The following RP1 variants were observed in gnomAD, a reference collection of about 807,000 sequenced individuals.
RP1 encodes the protein oxygen-regulated protein 1.
RP1 carries 16 observed loss-of-function variants against 14.8 expected under a neutral mutation model. That is an observed-to-expected ratio of 1.08 (90% CI 0.73 to 1.65). The LOEUF is 1.65. RP1 is among the 40% of genes most tolerant of loss of function. RP1 has a pLI of 0.00. For missense variants in RP1, 2,631 were observed against 2,535.0 expected, an observed-to-expected ratio of 1.04 and a Z score of -0.81; for synonymous variants, 876 against 883.6, an observed-to-expected ratio of 0.99 and a Z score of 0.15.
At position 54,688,221 on chromosome 8, in the gene RP1, T is replaced by C. The variant is rs561214640; in HGVS notation, c.1717+8288T>C. Among the ~76,000 whole-genome samples the C allele has an allele frequency of 1.2e-4, 19 of 152,228 alleles. No homozygotes were observed. In the East Asian group the frequency reaches 1.4e-3, roughly 11 times the overall value. On this transcript the variant is annotated intron_variant, in intron 12 of 22. Transcript: ENST00000636932. The stretch of plus-strand genomic sequence containing the variant: ...TAGATTCTGGATATTAGACTTTTGT[T>C]AGATGGGTAGATTGCAAAACTTTTC...
chr8:54,637,087 C>T (rs912702582), intron 3 of RP1, among the ~76,000 whole-genome samples: 1 of 152,156 alleles, frequency 6.6e-6, no homozygotes, highest in African/African-American at 2.4e-5. Context: ...GTCTGGTGCT[C>T]TTCCTTCAGC....
Position 54,624,678 on chromosome 8 carries a change from C to T in RP1, c.796C>T (p.His266Tyr), listed in dbSNP as rs1215368660. The T allele has an allele frequency of 1.9e-6, 3 of 1,613,788 alleles. No individual in the cohort carries two copies. Among genetic ancestry groups the T allele is most frequent in the Admixed American group, 1.7e-5 (1 of 60,010 alleles). The change falls in exon 4 of 4, where the codon CAT (histidine) becomes TAT (tyrosine). Residue 266 changes from histidine to tyrosine, a missense_variant. Physicochemically the swap from His to Tyr is moderately conservative, Grantham distance 83. Transcript: ENST00000220676. The part of the protein sequence containing the change: ...AKSESRKIST[H>Y]MSSSSRSQIY... ...TCTTAAAATCTTTAAAGTAAGCACACATATGTCTTCAAGCTCAAGGTCCCA... is the reference window on the plus strand; with the variant it reads ...TCTTAAAATCTTTAAAGTAAGCACATATATGTCTTCAAGCTCAAGGTCCCA...
chr8:54,588,457 G>A (rs1804979659), intron 1 of RP1, among the ~76,000 whole-genome samples: 1 of 152,174 alleles, frequency 6.6e-6, no homozygotes, highest in Non-Finnish European at 1.5e-5. Flanking sequence ...TTGAAGATTA[G>A]AATAAACAGC....
At chr8:54,734,810 G>C (rs1023307041) in intron 18 of RP1, 2 of 1,067,146 alleles carry the variant, frequency 1.9e-6, no homozygotes, top group Admixed American at 3.0e-5. Context: ...ATGTAGAAGT[G>C]TGTGTGTGTG....
At chr8:54,784,451 G>A (rs1810269610) in intron 24 of RP1, among the ~76,000 whole-genome samples, 1 of 152,006 alleles carries the variant, frequency 6.6e-6, no homozygotes, top group Non-Finnish European at 1.5e-5. Context: ...TGAATAAATA[G>A]AACACTTTGG....
At chr8:54,707,557 C>T (rs1006009342) in intron 15 of RP1, among the ~76,000 whole-genome samples, 11 of 152,228 alleles carry the variant, frequency 7.2e-5, no homozygotes, top group African/African-American at 2.7e-4. Context: ...CCTGTTAATG[C>T]TCTCCATCTA....
intron 1 of RP1, among the ~76,000 whole-genome samples, chr8:54,580,791 G>C (rs939739740): frequency 1.3e-5 from 2 of 151,796 alleles, no homozygotes; most frequent in African/African-American, 4.8e-5. Flanking sequence ...GCTAATTTTT[G>C]TATTTTTAGT....
chr8:54,639,662 C>T (rs1806420028), intron 3 of RP1, among the ~76,000 whole-genome samples: 1 of 152,118 alleles, frequency 6.6e-6, no homozygotes, highest in Non-Finnish European at 1.5e-5. Context: ...TGATGTTGGA[C>T]ATCTTTACAT....
chr8:54,811,501 A>C (rs1419221093), intron 24 of RP1, among the ~76,000 whole-genome samples: 3 of 152,180 alleles, frequency 2.0e-5, no homozygotes, highest in African/African-American at 7.2e-5. Flanking sequence ...TCACATTAGT[A>C]ATTAACATTT....
At chr8:54,752,609 G>C (rs1215246744) in intron 19 of RP1, among the ~76,000 whole-genome samples, 2 of 152,194 alleles carry the variant, frequency 1.3e-5, no homozygotes, top group African/African-American at 4.8e-5. Context: ...GCCTGTCCTG[G>C]CAGCTCAGGG....
intron 24 of RP1, among the ~76,000 whole-genome samples, chr8:54,794,618 T>C (rs1211277117): frequency 6.6e-6 from 1 of 152,000 alleles, no homozygotes; most frequent in Admixed American, 6.5e-5. Context: ...TTAAAAATTC[T>C]AGAAGAGAAA....
At position 54,669,793 on chromosome 8, in the gene RP1, C is replaced by T. The variant is rs187616361; in HGVS notation, c.1324-4057C>T. On this transcript the variant is annotated intron_variant, in intron 7 of 22. Transcript: ENST00000636932. ...ATCACAAGGACAGAAAACCAAACAC[C>T]GCATGTTCTCACTCATAGGTGGGAA... 2.4e-4 allele frequency among the ~76,000 whole-genome samples: 37 copies of T among 151,750 alleles called. 1 individual carries two copies. In the East Asian group the frequency reaches 4.9e-3, roughly 20 times the overall value.
At chr8:54,782,859 C>G (rs1437899519) in intron 23 of RP1, among the ~76,000 whole-genome samples, 2 of 152,144 alleles carry the variant, frequency 1.3e-5, no homozygotes, top group East Asian at 1.9e-4. Flanking sequence ...CTCAGTATCA[C>G]TGCAGCAGGA....
At chr8:54,776,597 G>A (rs1409507802) in intron 23 of RP1, among the ~76,000 whole-genome samples, 1 of 152,204 alleles carries the variant, frequency 6.6e-6, no homozygotes, top group African/African-American at 2.4e-5. Context: ...AGGAAGGCAA[G>A]TCAAGTTTTC....
At chr8:54,866,516 T>G (rs535813340) in intron 28 of RP1, among the ~76,000 whole-genome samples, 7 of 152,352 alleles carry the variant, frequency 4.6e-5, no homozygotes, top group Admixed American at 2.6e-4. Flanking sequence ...CTTCTCTACC[T>G]ACTTTATAGA....
intron 25 of RP1, among the ~76,000 whole-genome samples, chr8:54,838,323 C>G (rs530026525): frequency 6.6e-6 from 1 of 152,160 alleles, no homozygotes; most frequent in Non-Finnish European, 1.5e-5. Flanking sequence ...TTCTCTCTGT[C>G]CATTCCTGGT....
chr8:54,795,211 A>G (rs1810552331), intron 24 of RP1, among the ~76,000 whole-genome samples: 1 of 152,086 alleles, frequency 6.6e-6, no homozygotes, highest in African/African-American at 2.4e-5. Flanking sequence ...TAGAGCTACC[A>G]TATGATCTGC....
At chr8:54,597,709 A>G (rs550603709) in intron 1 of RP1, among the ~76,000 whole-genome samples, 14 of 152,204 alleles carry the variant, frequency 9.2e-5, no homozygotes, top group Non-Finnish European at 1.6e-4. Context: ...CCTCAAAAAC[A>G]TTATGCTAAA....
At chr8:54,757,737 TGGATCCAGAGGTCATG>T (rs1455442400) in intron 21 of RP1, among the ~76,000 whole-genome samples, 2 of 152,176 alleles carry the variant, frequency 1.3e-5, no homozygotes, top group Non-Finnish European at 2.9e-5. Flanking sequence ...GTCCTAGAAA[TGGATCCAGAGGTCATG>T]GGATGGGGCA....
Sources: allele counts gnomAD v4.1 joint callset (sites outside exome capture counted in the v4.1 genomes callset), GRCh38; gene constraint gnomAD v4.1.1; transcripts MANE v1.5; gene names NCBI Gene and HGNC (gene_info 2026-07-23, HGNC 2026-07-21).